PLCL1: variants seen among roughly 807,000 people sequenced by gnomAD.
The protein encoded by PLCL1 is inactive phospholipase C-like protein 1.
In PLCL1, 41 loss-of-function variants were observed where a neutral mutation model predicts 84.4. The ratio of observed to expected loss-of-function variants is 0.49; its 90% CI spans 0.38 to 0.63. PLCL1 has a LOEUF of 0.63. Ranked by LOEUF, PLCL1 falls within the 30% of genes least tolerant of loss-of-function variation. The pLI, the probability that PLCL1 is intolerant of heterozygous loss-of-function variation, is 0.00. For synonymous variants in PLCL1, 490 were observed against 488.3 expected (o/e 1.00, Z -0.05); for missense variants, 1,206 against 1,367.8 (o/e 0.88, Z 1.87).
intron 1 of PLCL1, among the ~76,000 whole-genome samples, chr2:198,060,290 C>T (rs1692161573): frequency 6.6e-6 from 1 of 152,134 alleles, no homozygotes; most frequent in Non-Finnish European, 1.5e-5. Context: ...GAACCCAATT[C>T]AAAATTCAGC....
chr2:198,098,364 T>G (rs565725231), intron 3 of PLCL1, among the ~76,000 whole-genome samples: 16 of 152,194 alleles, frequency 1.1e-4, no homozygotes, highest in Non-Finnish European at 2.1e-4. Flanking sequence ...GAATTAGACT[T>G]GGAGGGAAAA....
chr2:198,077,975 C>T (rs1692621251), intron 1 of PLCL1, among the ~76,000 whole-genome samples: 1 of 152,110 alleles, frequency 6.6e-6, no homozygotes, highest in African/African-American at 2.4e-5. Context: ...ATCCCTTCAT[C>T]CTTTTTATTA....
rs116048897 is a variant in PLCL1, at chr2:197,861,094, G to A, written c.240+55755G>A. ...TAAGCGTCTCTTTGTTTGCTAATGA[G>A]ATGACTGGTGGTTGGCAGCCCCTGG... On this transcript the variant is annotated intron_variant, in intron 1 of 5. Coordinates refer to ENST00000428675, the MANE Select transcript of PLCL1 (RefSeq NM_006226.4). Among the ~76,000 whole-genome samples the A allele has an allele frequency of 4.2e-3, 639 of 152,248 alleles. 4 individuals are homozygous for A. Among genetic ancestry groups the A allele is most frequent in the African/African-American group, 0.015 (616 of 41,546 alleles).
At chr2:197,856,987 G>C (rs967316098) in intron 1 of PLCL1, among the ~76,000 whole-genome samples, 6 of 151,870 alleles carry the variant, frequency 4.0e-5, no homozygotes, top group African/African-American at 1.5e-4. Context: ...GAGAATGAGG[G>C]GTGGGAAGAG....
chr2:198,062,809 T>C (rs1478753345), intron 1 of PLCL1, among the ~76,000 whole-genome samples: 1 of 152,210 alleles, frequency 6.6e-6, no homozygotes, highest in East Asian at 1.9e-4. Context: ...GGGAATATAC[T>C]AAGTCAATGA....
intron 1 of PLCL1, among the ~76,000 whole-genome samples, chr2:197,883,380 T>C (rs186995568): frequency 1.3e-5 from 2 of 152,262 alleles, no homozygotes; most frequent in East Asian, 3.9e-4. Context: ...ACACACGAAG[T>C]TTTTACTGTA....
At chr2:198,013,384 T>C (rs1424922143) in intron 1 of PLCL1, among the ~76,000 whole-genome samples, 1 of 152,160 alleles carries the variant, frequency 6.6e-6, no homozygotes, top group Non-Finnish European at 1.5e-5. Context: ...CATCCTTTGA[T>C]TGTGACCACT....
chr2:197,883,403 T>C (rs1687864472), intron 1 of PLCL1, among the ~76,000 whole-genome samples: 1 of 152,204 alleles, frequency 6.6e-6, no homozygotes, highest in African/African-American at 2.4e-5. Flanking sequence ...AAGTATTTGT[T>C]TCTCTGCCTC....
At position 198,084,742 on chromosome 2, in the gene PLCL1, A is replaced by T; in HGVS notation, c.1225A>T (p.Ile409Phe). Residue 409 changes from isoleucine (I) to phenylalanine (F), a missense_variant, in exon 2 of 6, where the codon ATC becomes TTC. By Grantham distance (21) the Ile-to-Phe change is conservative. Transcript: ENST00000428675. ...GACCCAGCCATTATCTCACTACTATATCAATGCCTCTCATAACACCTATCT... is the reference window on the plus strand; with the variant it reads ...GACCCAGCCATTATCTCACTACTATTTCAATGCCTCTCATAACACCTATCT... ...DMTQPLSHYY[I>F]NASHNTYLIE... The T allele has an allele frequency of 1.2e-6, 2 of 1,614,130 alleles. No individual in the cohort carries two copies. The highest frequency in any genetic ancestry group is 1.7e-6 in the Non-Finnish European group (2 of 1,179,990).
At chr2:197,958,878 A>G (rs977082366) in intron 1 of PLCL1, among the ~76,000 whole-genome samples, 11 of 149,876 alleles carry the variant, frequency 7.3e-5, no homozygotes, top group African/African-American at 2.2e-4. Flanking sequence ...AAATTCAGGC[A>G]TTTTGGTTTC....
intron 1 of PLCL1, among the ~76,000 whole-genome samples, chr2:197,983,228 TTTTTTTTTTTTG>T (rs1690155058): frequency 2.6e-5 from 1 of 38,750 alleles, no homozygotes; most frequent in African/African-American, 1.1e-4. Context: ...TTTTTTTTTT[TTTTTTTTTTTTG>T]AGACAGGGTC....
At chr2:198,012,577 G>A (rs1206152100) in intron 1 of PLCL1, among the ~76,000 whole-genome samples, 8 of 151,694 alleles carry the variant, frequency 5.3e-5, no homozygotes, top group Non-Finnish European at 1.5e-5. Context: ...TTACTGATAG[G>A]GAAGGACTTA....
At chr2:197,841,066 A>G (rs927041836) in intron 1 of PLCL1, among the ~76,000 whole-genome samples, 3 of 152,206 alleles carry the variant, frequency 2.0e-5, no homozygotes, top group Non-Finnish European at 4.4e-5. Context: ...ATTTGAGCAG[A>G]AAGTACAGAG....
chr2:198,030,200 G>A (rs564542850), intron 1 of PLCL1, among the ~76,000 whole-genome samples: 162 of 151,476 alleles, frequency 1.1e-3, no homozygotes, highest in African/African-American at 3.8e-3. Context: ...AGTATATGTT[G>A]TTCCCCTATA....
chr2:197,854,523 A>G (rs1289564769), intron 1 of PLCL1, among the ~76,000 whole-genome samples: 1 of 152,198 alleles, frequency 6.6e-6, no homozygotes, highest in Admixed American at 6.6e-5. Flanking sequence ...AAGCATTATA[A>G]TGTTTGCAAA....
At chr2:197,839,404 G>A (rs1409088112) in intron 1 of PLCL1, among the ~76,000 whole-genome samples, 1 of 152,166 alleles carries the variant, frequency 6.6e-6, no homozygotes, top group Non-Finnish European at 1.5e-5. Context: ...AGATCATCAG[G>A]CGTTAGTTAT....
intron 1 of PLCL1, among the ~76,000 whole-genome samples, chr2:198,062,996 G>A (rs1004827486): frequency 1.5e-4 from 23 of 152,166 alleles, no homozygotes; most frequent in African/African-American, 4.8e-4. Context: ...AAGGTCCTTG[G>A]TGATGCTGTT....
chr2:198,136,366 T>C (rs1444893890), intron 5 of PLCL1, among the ~76,000 whole-genome samples: 1 of 152,130 alleles, frequency 6.6e-6, no homozygotes, highest in African/African-American at 2.4e-5. Flanking sequence ...CACCCAGTGA[T>C]CTTGCCCAAG....
intron 1 of PLCL1, among the ~76,000 whole-genome samples, chr2:197,932,968 TAA>T (rs1244539974): frequency 6.6e-6 from 1 of 152,190 alleles, no homozygotes; most frequent in Non-Finnish European, 1.5e-5. Context: ...ACAAAAACAA[TAA>T]GTTAGAATTT....
Sources: allele counts gnomAD v4.1 joint callset (sites outside exome capture counted in the v4.1 genomes callset), GRCh38; gene constraint gnomAD v4.1.1; transcripts MANE v1.5; gene names NCBI Gene and HGNC (gene_info 2026-07-23, HGNC 2026-07-21).